The following MYOM1 variants were observed in gnomAD, a reference collection of about 807,000 sequenced individuals.
The protein encoded by MYOM1 is myomesin-1.
MYOM1 carries 164 observed loss-of-function variants against 205.3 expected under a neutral mutation model. The observed-to-expected ratio is 0.80, with a 90% CI of 0.70 to 0.91. MYOM1 has a LOEUF of 0.91. Among genes scored for constraint, MYOM1 ranks in the 40% least tolerant of loss-of-function variants. The pLI, the probability that MYOM1 is intolerant of heterozygous loss-of-function variation, is 0.00. For synonymous variants in MYOM1, 772 were observed against 789.4 expected (o/e 0.98, Z 0.37); for missense variants, 2,011 against 2,127.3 (o/e 0.95, Z 1.08).
intron 17 of MYOM1, 120 bp downstream of exon 17, chr18:3,131,255 C>T: frequency 5.3e-6 from 6 of 1,136,220 alleles, no homozygotes; most frequent in Non-Finnish European, 7.5e-6. Context: ...AAATGATCAT[C>T]TAAGGATGCA....
rs912918358 is a variant in MYOM1 at position 3,188,456 on chromosome 18, GA to G, written c.771+291del. ...ACATGGCGAAACCCCACCTCTACCAGAAAAAAAAAAACAACAACGAAAATTA... is the reference window on the plus strand; with the variant it reads ...ACATGGCGAAACCCCACCTCTACCAGAAAAAAAAAACAACAACGAAAATTA... On this transcript the variant is annotated intron_variant, in intron 4 of 37. Transcript: ENST00000356443. Among the ~76,000 whole-genome samples, 58 of 143,510 alleles carry G rather than the reference GA, an allele frequency of 4.0e-4. 1 individual carries two copies. The East Asian group carries it at 7.6e-3, about 19-fold the overall frequency. The allele number at this position is 143,510 out of a possible 152,430, so 94.1% of individuals were successfully genotyped here. A position where few individuals can be genotyped will look rare whatever the true frequency, so the allele number is the denominator to read the frequency against.
intron 14 of MYOM1, among the ~76,000 whole-genome samples, chr18:3,140,476 A>C (rs543579763): frequency 7.9e-5 from 12 of 152,220 alleles, no homozygotes; most frequent in Non-Finnish European, 1.6e-4. Flanking sequence ...AAAGCATATA[A>C]AAATTAAATA....
chr18:3,117,781 T>C (rs937871538), intron 20 of MYOM1, among the ~76,000 whole-genome samples: 1 of 152,182 alleles, frequency 6.6e-6, no homozygotes, highest in African/African-American at 2.4e-5. Context: ...TGCTTTGGTG[T>C]TGTGTAATTG....
rs138637354 is a variant in MYOM1, at chr18:3,176,651, C to T, written c.930-517G>A. 6.1e-3 allele frequency among the ~76,000 whole-genome samples: 926 copies of T among 152,166 alleles called. 9 individuals carry two copies. The highest frequency in any genetic ancestry group is 0.02 in the African/African-American group (847 of 41,496). ...GTGTGCAGTCTTTGGGAAGCCGAGG[C>T]GGGCAAATCACTTGAGGTCAGGAGT... On this transcript the variant is annotated intron_variant, in intron 5 of 37. Coordinates refer to ENST00000356443, the MANE Select transcript of MYOM1 (RefSeq NM_003803.4).
intron 19 of MYOM1, among the ~76,000 whole-genome samples, chr18:3,124,181 T>C (rs2079740819): frequency 6.6e-6 from 1 of 151,226 alleles, no homozygotes; most frequent in Non-Finnish European, 1.5e-5. Context: ...CACCCACTGT[T>C]ACACAAACAG....
chr18:3,073,862 CCT>C (rs767638851), intron 36 of MYOM1, among the ~76,000 whole-genome samples: 1 of 152,132 alleles, frequency 6.6e-6, no homozygotes, highest in Non-Finnish European at 1.5e-5. Flanking sequence ...TTGGAGAAAC[CCT>C]CTCTTTGCCG....
In MYOM1 at chr18:3,129,435, G is replaced by C; in HGVS notation, c.2591C>G (p.Ala864Gly). The part of the protein sequence containing the change: ...LTASRGRVHE[A>G]SPPTFQKDAL... ...ATCTTTCTGGAAGGTTGGCGGGGAG[G>C]CTTCATGCACGCGCCCCCTGGAGGC... The change falls in exon 18 of 38, where the codon GCC becomes GGC. Residue 864 changes from alanine (A) to glycine (G), a missense_variant. Coordinates refer to ENST00000356443, the MANE Select transcript of MYOM1 (RefSeq NM_003803.4). 1 of 1,613,940 alleles carries C rather than the reference G, an allele frequency of 6.2e-7. No individual in the cohort carries two copies. The highest frequency in any genetic ancestry group is 8.5e-7 in the Non-Finnish European group (1 of 1,179,884).
chr18:3,113,449 C>T (rs950786032), intron 21 of MYOM1, among the ~76,000 whole-genome samples: 1 of 151,980 alleles, frequency 6.6e-6, no homozygotes, highest in Admixed American at 6.6e-5. Flanking sequence ...CTGCCTCAGC[C>T]TCTTGAATAG....
intron 22 of MYOM1, among the ~76,000 whole-genome samples, chr18:3,109,991 G>A (rs747794686): frequency 6.6e-6 from 1 of 151,930 alleles, no homozygotes; most frequent in Non-Finnish European, 1.5e-5. Context: ...GGACTAAAAT[G>A]AACTATTTGG....
chr18:3,164,507 C>T, intron 9 of MYOM1, 68 bp from the exon 10 acceptor site: 1 of 1,380,576 alleles, frequency 7.2e-7, no homozygotes, highest in Non-Finnish European at 9.8e-7. Flanking sequence ...TGTCTCCCCT[C>T]CATTCCTCTC....
chr18:3,100,261 A>G, intron 24 of MYOM1, 58 bp from the exon 25 acceptor site: 1 of 1,612,656 alleles, frequency 6.2e-7, no homozygotes, highest in Non-Finnish European at 8.5e-7. Flanking sequence ...AAGTCACTTA[A>G]GAATAACTGA....
In MYOM1 at chr18:3,155,008, T is replaced by C. The variant is rs753840556; in HGVS notation, c.1582A>G (p.Ile528Val). Residue 528 changes from isoleucine to valine, a missense_variant, in exon 11 of 38, where the codon ATC (isoleucine) becomes GTC (valine). Coordinates refer to ENST00000356443, the MANE Select transcript of MYOM1 (RefSeq NM_003803.4). ...CLEANKDYII[I>V]SWKQPAVDGG... ...TCGACAGCTGGCTGTTTCCAGGAGA[T>C]GATGATATAATCTTTGTTGGCCTCC... 20 of 1,613,420 alleles carry C rather than the reference T, an allele frequency of 1.2e-5. No homozygotes were observed. Among genetic ancestry groups the C allele is most frequent in the Non-Finnish European group, 1.6e-5 (19 of 1,179,656 alleles).
chr18:3,130,687 C>G (rs568991037), intron 17 of MYOM1, among the ~76,000 whole-genome samples: 14 of 152,086 alleles, frequency 9.2e-5, no homozygotes, highest in Non-Finnish European at 2.1e-4. Context: ...AACTCCTGGA[C>G]TCAAGCAATC....
the MYOM1 span, among the ~76,000 whole-genome samples, chr18:3,233,952 A>G: frequency 6.6e-5 from 10 of 152,264 alleles, no homozygotes; most frequent in African/African-American, 2.4e-4. Context: ...AGATCAATAT[A>G]GCACAGAGGC....
At chr18:3,193,983 A>G (rs918713055) in intron 2 of MYOM1, 25 bp from the exon 3 acceptor site, 2 of 1,604,572 alleles carry the variant, frequency 1.2e-6, no homozygotes, top group Non-Finnish European at 8.5e-7. Context: ...CTAACATCAG[A>G]CAGTAACAAA....
At chr18:3,237,314 G>A in the MYOM1 span, among the ~76,000 whole-genome samples, 1 of 152,218 alleles carries the variant, frequency 6.6e-6, no homozygotes, top group South Asian at 2.1e-4. Flanking sequence ...AAAAAGGAAA[G>A]ACATGGCCGG....
intron 2 of MYOM1, among the ~76,000 whole-genome samples, chr18:3,210,071 A>C (rs1161223907): frequency 6.6e-6 from 1 of 152,194 alleles, no homozygotes; most frequent in African/African-American, 2.4e-5. Context: ...TCACAACATG[A>C]GGGACAGTCA....
chr18:3,197,717 C>CA (rs1007617656), intron 2 of MYOM1, among the ~76,000 whole-genome samples: 10 of 151,446 alleles, frequency 6.6e-5, no homozygotes, highest in African/African-American at 2.2e-4. Context: ...ACTAAAAATA[C>CA]AAAAAATTAG....
Position 3,151,922 on chromosome 18 carries a change from T to C in MYOM1, c.1644-29A>G, listed in dbSNP as rs766804317. 4 of 1,599,118 alleles carry C rather than the reference T, an allele frequency of 2.5e-6. No individual in the cohort carries two copies. The South Asian group carries it at 3.3e-5, about 13-fold the overall frequency. On this transcript the variant is annotated intron_variant, in intron 11 of 37. Coordinates refer to ENST00000356443, the MANE Select transcript of MYOM1 (RefSeq NM_003803.4). Reference sequence around the variant, plus strand: ...AAGGAATGAGCGTGATTGACAAAAATATTAAAAGAAGTATGGCTTAATGAA... The same window carrying C: ...AAGGAATGAGCGTGATTGACAAAAACATTAAAAGAAGTATGGCTTAATGAA...
Sources: allele counts gnomAD v4.1 joint callset (sites outside exome capture counted in the v4.1 genomes callset), GRCh38; gene constraint gnomAD v4.1.1; transcripts MANE v1.5; gene names NCBI Gene and HGNC (gene_info 2026-07-23, HGNC 2026-07-21).